Variants in MYCT1 observed in about 807,000 individuals in gnomAD.
MYCT1 encodes myc target protein 1.
In MYCT1, 12 loss-of-function variants were observed where a neutral mutation model predicts 15.0. The ratio of observed to expected loss-of-function variants is 0.80; its 90% CI spans 0.51 to 1.29. MYCT1 has a LOEUF of 1.29. Among genes scored for constraint, MYCT1 ranks in the 50% most tolerant of loss-of-function variants. The pLI is 0.00. For synonymous variants in MYCT1, 104 were observed against 102.7 expected (o/e 1.01, Z -0.07); for missense variants, 287 against 279.1 (o/e 1.03, Z -0.20).
chr6:152,725,360 T>G (rs2099725472), downstream of MYCT1, among the ~76,000 whole-genome samples: 1 of 152,194 alleles, frequency 6.6e-6, no homozygotes, highest in Admixed American at 6.5e-5. Flanking sequence ...GATTTACAAG[T>G]TTGTGGTAAA....
chr6:152,735,602 T>C, the MYCT1 span, among the ~76,000 whole-genome samples: 1 of 152,242 alleles, frequency 6.6e-6, no homozygotes, highest in East Asian at 1.9e-4. Context: ...GCTTACCTCA[T>C]GCATTCTAAA....
chr6:152,706,275 C>G, intron 1 of MYCT1: 2 of 637,166 alleles, frequency 3.1e-6, no homozygotes, highest in Admixed American at 4.1e-5. Flanking sequence ...CCATCAGTTA[C>G]TGGTTTCAGT....
intron 1 of MYCT1, among the ~76,000 whole-genome samples, chr6:152,706,319 G>A (rs927003192): frequency 6.6e-6 from 1 of 152,156 alleles, no homozygotes; most frequent in Non-Finnish European, 1.5e-5. Context: ...TGCTGTCATT[G>A]TTCATGCCTA....
downstream of MYCT1, among the ~76,000 whole-genome samples, chr6:152,724,841 A>G (rs927874286): frequency 1.3e-5 from 2 of 151,976 alleles, no homozygotes; most frequent in African/African-American, 2.4e-5. Context: ...CATCACAAAT[A>G]AATTTTACAA....
At chr6:152,737,657 G>C in the MYCT1 span, among the ~76,000 whole-genome samples, 1 of 152,212 alleles carries the variant, frequency 6.6e-6, no homozygotes, top group African/African-American at 2.4e-5. Flanking sequence ...CATTCAAAAT[G>C]CTATTAAGTC....
the MYCT1 span, among the ~76,000 whole-genome samples, chr6:152,737,111 T>C: frequency 7.9e-5 from 12 of 152,102 alleles, no homozygotes; most frequent in Non-Finnish European, 1.6e-4. Context: ...AAGACACTCA[T>C]AGACTGTCTG....
At chr6:152,714,944 T>A (rs1222391522) in intron 1 of MYCT1, among the ~76,000 whole-genome samples, 2 of 152,018 alleles carry the variant, frequency 1.3e-5, no homozygotes, top group Non-Finnish European at 2.9e-5. Flanking sequence ...CTTTGTGAGG[T>A]CTGGTCTTTC....
chr6:152,718,483 C>T (rs891667215), intron 1 of MYCT1, among the ~76,000 whole-genome samples: 2 of 152,052 alleles, frequency 1.3e-5, no homozygotes, highest in Non-Finnish European at 2.9e-5. Context: ...TGGGCTCAAG[C>T]GACCCTCTCA....
downstream of MYCT1, among the ~76,000 whole-genome samples, chr6:152,725,936 T>C (rs931172156): frequency 2.6e-5 from 4 of 152,038 alleles, no homozygotes; most frequent in Non-Finnish European, 5.9e-5. Context: ...AGGGAGAGAA[T>C]GGGAGAACTG....
In MYCT1 at chr6:152,722,669, T is replaced by C. The variant is rs1583977985; in HGVS notation, c.*416T>C. On this transcript the variant is annotated 3_prime_UTR_variant, in exon 2 of 2. Coordinates refer to ENST00000367245, the MANE Select transcript of MYCT1 (RefSeq NM_025107.3). Reference sequence around the variant, plus strand: ...TGTGTCACTTTAAAGAAAAATCTTCTAAGGGATTTGGATTTTACTTTCTTT... The same window carrying C: ...TGTGTCACTTTAAAGAAAAATCTTCCAAGGGATTTGGATTTTACTTTCTTT... The C allele has an allele frequency of 3.5e-6, 1 of 287,388 alleles. No individual in the cohort carries two copies. Among genetic ancestry groups the C allele is most frequent in the Non-Finnish European group, 7.0e-6 (1 of 143,170 alleles). The allele number at this position is 287,388 out of a possible 1,614,324, so 17.8% of individuals were successfully genotyped here.
rs1226981631 is a variant in MYCT1 at position 152,721,725 on chromosome 6, T to A, written c.197-17T>A. 6.3e-7 allele frequency: 1 copy of A among 1,592,294 alleles called. No homozygotes were observed. Among genetic ancestry groups the A allele is most frequent in the Admixed American group, 1.8e-5 (1 of 56,262 alleles). On this transcript the variant is annotated splice_polypyrimidine_tract_variant and intron_variant, in intron 1 of 1. Transcript: ENST00000367245. The stretch of plus-strand genomic sequence containing the variant: ...CTATTTAAAAATTGATTTAGCAATT[T>A]GTTTTCTTTGTTTCAGAGGACCTTA...
At chr6:152,740,985 T>C in the MYCT1 span, among the ~76,000 whole-genome samples, 1 of 152,174 alleles carries the variant, frequency 6.6e-6, no homozygotes, top group East Asian at 1.9e-4. Context: ...GATAAATGTA[T>C]ACGAGCTATA....
In MYCT1 at chr6:152,697,910, CA is replaced by C; in HGVS notation, c.9del (p.Gln4LysfsTer53). On this transcript the variant is annotated frameshift_variant, in exon 1 of 2. Transcript: ENST00000367245. LOFTEE classifies it high-confidence loss of function. MR[T>X]QVYEGLCKNY... The stretch of plus-strand genomic sequence containing the variant: ...ATACACTTATTTCCTTTTATGCGAA[CA>C]CAAGTATATGAGGGGTTGTGTAAAA... The C allele has an allele frequency of 1.3e-6, 2 of 1,567,592 alleles. No individual in the cohort carries two copies. Among genetic ancestry groups the C allele is most frequent in the Non-Finnish European group, 1.7e-6 (2 of 1,162,216 alleles).
In MYCT1 at chr6:152,724,358, G is replaced by C. The variant is rs1289799439; in HGVS notation, c.*2105G>C. On this transcript the variant is annotated 3_prime_UTR_variant, in exon 2 of 2. Transcript: ENST00000367245. Reference sequence around the variant, plus strand: ...AACTGCTTTATAGCTCCCAAATTAGGAAGAGAAGAGCAGAAATCCTCTGGG... The same window carrying C: ...AACTGCTTTATAGCTCCCAAATTAGCAAGAGAAGAGCAGAAATCCTCTGGG... The C allele has an allele frequency of 6.6e-6, 1 of 151,910 alleles. No individual in the cohort carries two copies. The highest frequency in any genetic ancestry group is 2.4e-5 in the African/African-American group (1 of 41,332). 9.4% of individuals were successfully genotyped at this position (151,910 alleles called of 1,614,324 possible). A position where few individuals can be genotyped will look rare whatever the true frequency, so the allele number is the denominator to read the frequency against.
At chr6:152,729,168 T>C (rs1021358072), downstream of MYCT1, among the ~76,000 whole-genome samples, 1 of 152,194 alleles carries the variant, frequency 6.6e-6, no homozygotes, top group African/African-American at 2.4e-5. Context: ...TAACAATATC[T>C]GAAAACCGCT....
downstream of MYCT1, among the ~76,000 whole-genome samples, chr6:152,727,103 C>T (rs1043463705): frequency 4.6e-5 from 7 of 150,936 alleles, no homozygotes; most frequent in Non-Finnish European, 1.0e-4. Flanking sequence ...CCCAGCTACT[C>T]GGGAGGCTGA....
intron 1 of MYCT1, among the ~76,000 whole-genome samples, chr6:152,706,976 G>A (rs2099722397): frequency 1.3e-5 from 2 of 152,026 alleles, no homozygotes; most frequent in Non-Finnish European, 2.9e-5. Flanking sequence ...GAACATGGAA[G>A]TGCAGATATC....
Position 152,722,639 on chromosome 6 carries a change from A to T in MYCT1, c.*386A>T. 4.3e-6 allele frequency: 1 copy of T among 235,240 alleles called. No homozygotes were observed. The highest frequency in any genetic ancestry group is 8.7e-6 in the Non-Finnish European group (1 of 114,474). 14.6% of individuals were successfully genotyped at this position (235,240 alleles called of 1,614,324 possible). ...CAATGTGACTAAAAAGAGAAAAAAAATCACTGTGTCACTTTAAAGAAAAAT... is the reference window on the plus strand; with the variant it reads ...CAATGTGACTAAAAAGAGAAAAAAATTCACTGTGTCACTTTAAAGAAAAAT... On this transcript the variant is annotated 3_prime_UTR_variant, in exon 2 of 2. Transcript: ENST00000367245.
At chr6:152,719,703 C>T (rs2099724348) in intron 1 of MYCT1, among the ~76,000 whole-genome samples, 1 of 152,150 alleles carries the variant, frequency 6.6e-6, no homozygotes, top group Admixed American at 6.5e-5. Context: ...TGAACTATAT[C>T]CTAAAATTAG....
Sources: gnomAD v4.1 joint callset for allele counts (sites outside exome capture counted in the v4.1 genomes callset) on GRCh38, gnomAD v4.1.1 for gene constraint, MANE v1.5 for transcripts, NCBI Gene and HGNC (gene_info 2026-07-23, HGNC 2026-07-21) for gene names.